NFIB: variants seen among roughly 807,000 people sequenced by gnomAD.
NFIB encodes the protein nuclear factor 1 B-type.
In NFIB, 11 loss-of-function variants were observed where a neutral mutation model predicts 61.5. The ratio of observed to expected loss-of-function variants is 0.18; its 90% CI spans 0.11 to 0.30. The LOEUF is 0.30. Among genes scored for constraint, NFIB ranks in the 10% least tolerant of loss-of-function variants. NFIB has a pLI of 1.00. For missense variants in NFIB, 471 were observed against 608.9 expected, an observed-to-expected ratio of 0.77 and a Z score of 2.38; for synonymous variants, 260 against 216.5, an observed-to-expected ratio of 1.20 and a Z score of -1.76.
At chr9:14,355,665 C>T (rs893064578) in intron 1 of NFIB, among the ~76,000 whole-genome samples, 1 of 152,204 alleles carries the variant, frequency 6.6e-6, no homozygotes, top group Non-Finnish European at 1.5e-5. Flanking sequence ...CTTAAATACC[C>T]TGCTTGCCTG....
At chr9:14,321,906 A>C (rs1043506712) in intron 1 of NFIB, 31 of 1,231,610 alleles carry the variant, frequency 2.5e-5, no homozygotes, top group Non-Finnish European at 3.0e-5. Context: ...CGAATAAAAG[A>C]AGCAAACAAA....
At chr9:14,476,167 A>G in the NFIB span, among the ~76,000 whole-genome samples, 1 of 151,982 alleles carries the variant, frequency 6.6e-6, no homozygotes, top group African/African-American at 2.4e-5. Context: ...GAAGTTCAAA[A>G]GGAAAAATAT....
intron 3 of NFIB, among the ~76,000 whole-genome samples, chr9:14,162,182 T>C (rs2044276637): frequency 2.6e-5 from 4 of 152,128 alleles, no homozygotes; most frequent in South Asian, 2.1e-4. Context: ...GAAATTTTTT[T>C]CCTAATATCA....
At chr9:14,167,699 CA>C (rs1234727985) in intron 3 of NFIB, among the ~76,000 whole-genome samples, 2 of 152,106 alleles carry the variant, frequency 1.3e-5, no homozygotes, top group African/African-American at 4.8e-5. Flanking sequence ...AAAAGAATCA[CA>C]AGTGAATCAG....
chr9:14,454,160 A>G, the NFIB span, among the ~76,000 whole-genome samples: 2 of 152,254 alleles, frequency 1.3e-5, no homozygotes, highest in Non-Finnish European at 2.9e-5. Context: ...GTAGGAAAGT[A>G]CATTCCAGTC....
chr9:14,481,878 C>T, the NFIB span, among the ~76,000 whole-genome samples: 1 of 152,036 alleles, frequency 6.6e-6, no homozygotes, highest in African/African-American at 2.4e-5. Context: ...CCTCTCTTTC[C>T]CCAGTTCTGA....
chr9:14,359,594 T>C (rs2061215249), intron 1 of NFIB, among the ~76,000 whole-genome samples: 1 of 152,196 alleles, frequency 6.6e-6, no homozygotes, highest in African/African-American at 2.4e-5. Context: ...ATTTCTTTTG[T>C]TTTAAGCCAC....
At chr9:14,388,563 G>A (rs2061582857) in intron 1 of NFIB, among the ~76,000 whole-genome samples, 1 of 151,970 alleles carries the variant, frequency 6.6e-6, no homozygotes, top group Non-Finnish European at 1.5e-5. Flanking sequence ...AAGAATACAT[G>A]TGCTATGATA....
the NFIB span, among the ~76,000 whole-genome samples, chr9:14,468,856 A>C: frequency 2.6e-5 from 4 of 152,348 alleles, no homozygotes; most frequent in Non-Finnish European, 5.9e-5. Flanking sequence ...AATTGCCCAG[A>C]TCTCACAGGT....
chr9:14,301,732 T>C (rs968484492), intron 2 of NFIB, among the ~76,000 whole-genome samples: 2 of 152,186 alleles, frequency 1.3e-5, no homozygotes, highest in African/African-American at 4.8e-5. Context: ...CTGTTAAAGC[T>C]ATCTTGTGGC....
chr9:14,436,581 G>T, the NFIB span, among the ~76,000 whole-genome samples: 1 of 152,100 alleles, frequency 6.6e-6, no homozygotes, highest in Non-Finnish European at 1.5e-5. Context: ...CTTAGGATAC[G>T]CATTCAGATT....
At chr9:14,185,797 C>T (rs183357121) in intron 2 of NFIB, among the ~76,000 whole-genome samples, 2 of 152,312 alleles carry the variant, frequency 1.3e-5, no homozygotes, top group East Asian at 3.9e-4. Context: ...GGCTAAGTCT[C>T]TCAGTCTAAT....
intron 2 of NFIB, among the ~76,000 whole-genome samples, chr9:14,205,837 A>C (rs926779588): frequency 1.3e-5 from 2 of 151,992 alleles, no homozygotes; most frequent in African/African-American, 4.8e-5. Context: ...TGTTTACTTA[A>C]TTTTTTTAAG....
intron 6 of NFIB, among the ~76,000 whole-genome samples, chr9:14,145,930 G>A (rs1446626314): frequency 2.0e-4 from 31 of 151,860 alleles, no homozygotes; most frequent in South Asian, 6.2e-4. Context: ...TTATGCTGCT[G>A]ACATTAAGAT....
the NFIB span, among the ~76,000 whole-genome samples, chr9:14,502,272 T>C: frequency 6.6e-6 from 1 of 152,208 alleles, no homozygotes; most frequent in African/African-American, 2.4e-5. Context: ...CATATGTTTA[T>C]GTATAGTTTT....
chr9:14,466,061 A>G, the NFIB span, among the ~76,000 whole-genome samples: 3 of 152,192 alleles, frequency 2.0e-5, no homozygotes, highest in Admixed American at 2.0e-4. Flanking sequence ...CTCTCCTGTG[A>G]GCGGCTTAGT....
intron 1 of NFIB, among the ~76,000 whole-genome samples, chr9:14,387,551 C>T (rs933973647): frequency 6.6e-6 from 1 of 152,022 alleles, no homozygotes; most frequent in Non-Finnish European, 1.5e-5. Context: ...GAAAAATGAG[C>T]AAAGGATAGA....
rs75854182 is a variant in NFIB at position 14,202,886 on chromosome 9, G to A, written c.563-23106C>T. 2.0e-3 allele frequency among the ~76,000 whole-genome samples: 302 copies of A among 152,270 alleles called. 2 individuals are homozygous for A. The highest frequency in any genetic ancestry group is 7.0e-3 in the African/African-American group (291 of 41,546). ...TTAGCTGAAAACGATCTATTGACTA[G>A]CTTTGTGAGCTGAACAGTTGAATGC... On this transcript the variant is annotated intron_variant, in intron 2 of 10. Coordinates refer to ENST00000380953, the MANE Select transcript of NFIB (RefSeq NM_001190737.2).
At position 14,177,898 on chromosome 9, in the gene NFIB, G is replaced by A. The variant is rs946143925; in HGVS notation, c.616+1829C>T. The stretch of plus-strand genomic sequence containing the variant: ...TTAACCAAGCTTCTTGACAAATATT[G>A]AAAAATTGAATGATGTTACATAACT... On this transcript the variant is annotated intron_variant, in intron 3 of 10. Transcript: ENST00000380953. 4.6e-5 allele frequency among the ~76,000 whole-genome samples: 7 copies of A among 152,198 alleles called. No homozygotes were observed. In the East Asian group the frequency reaches 1.2e-3, roughly 25 times the overall value.
Sources: allele counts gnomAD v4.1 joint callset (sites outside exome capture counted in the v4.1 genomes callset), GRCh38; gene constraint gnomAD v4.1.1; transcripts MANE v1.5; gene names NCBI Gene and HGNC (gene_info 2026-07-23, HGNC 2026-07-21).